The following CASP4 variants were observed in gnomAD, a reference collection of about 807,000 sequenced individuals.
The protein encoded by CASP4 is caspase 4, also known as caspase-4.
In CASP4, 29 loss-of-function variants were observed where a neutral mutation model predicts 41.3. That is an observed-to-expected ratio of 0.70 (90% confidence interval 0.52 to 0.96). The LOEUF (loss-of-function observed/expected upper bound fraction) is 0.96, where lower values mean the gene tolerates loss of function less well. Among genes scored for constraint, CASP4 ranks in the 40% least tolerant of loss-of-function variants. The pLI is 0.00. For synonymous variants in CASP4, 185 were observed against 158.4 expected (o/e 1.17, Z -1.26); for missense variants, 447 against 460.6 (o/e 0.97, Z 0.27).
chr11:104,964,629 A>G (rs1565370368), intron 1 of CASP4, among the ~76,000 whole-genome samples: 1 of 152,236 alleles, frequency 6.6e-6, no homozygotes, highest in Non-Finnish European at 1.5e-5. Flanking sequence ...AAGTTGACTT[A>G]CAGAGCCAAT....
intron 1 of CASP4, among the ~76,000 whole-genome samples, chr11:104,957,947 G>A (rs1860771776): frequency 1.3e-5 from 2 of 152,102 alleles, no homozygotes; most frequent in African/African-American, 4.8e-5. Context: ...AATAGAAACA[G>A]AGAGCAAATG....
intron 1 of CASP4, among the ~76,000 whole-genome samples, chr11:104,963,957 C>T (rs1860917507): frequency 6.6e-6 from 1 of 152,154 alleles, no homozygotes; most frequent in South Asian, 2.1e-4. Context: ...AGCCAGTAGT[C>T]CAGTTAACAA....
chr11:104,953,364 G>T (rs1386942723), intron 2 of CASP4, among the ~76,000 whole-genome samples: 1 of 152,102 alleles, frequency 6.6e-6, no homozygotes, highest in Non-Finnish European at 1.5e-5. Context: ...CTTCAGTTTA[G>T]ACTTGAATGC....
intron 1 of CASP4, among the ~76,000 whole-genome samples, chr11:104,956,100 T>G (rs1860731304): frequency 6.6e-6 from 1 of 152,128 alleles, no homozygotes; most frequent in Non-Finnish European, 1.5e-5. Flanking sequence ...ATATCTCCCA[T>G]GTACTTATTA....
chr11:104,961,717 C>A (rs1167453362), intron 1 of CASP4, among the ~76,000 whole-genome samples: 1 of 152,160 alleles, frequency 6.6e-6, no homozygotes, highest in African/African-American at 2.4e-5. Context: ...GTTTAGGGAT[C>A]ATCTGATTTG....
At chr11:104,947,814 A>G (rs1357107801) in intron 6 of CASP4, 1 of 152,202 alleles carries the variant, frequency 6.6e-6, no homozygotes, top group African/African-American at 2.4e-5. Flanking sequence ...TATACTTCTC[A>G]CACGCAGTCA....
intron 1 of CASP4, among the ~76,000 whole-genome samples, chr11:104,959,814 A>T (rs1049958631): frequency 1.3e-5 from 2 of 152,134 alleles, no homozygotes; most frequent in African/African-American, 4.8e-5. Flanking sequence ...TTCACATTGC[A>T]TCGATTTTAT....
chr11:104,955,797 C>T (rs549000989), intron 1 of CASP4, among the ~76,000 whole-genome samples: 1 of 152,000 alleles, frequency 6.6e-6, no homozygotes, highest in Admixed American at 6.6e-5. Context: ...GATATGATTT[C>T]GGCAGATTGT....
rs1466322649 is a variant in CASP4, at chr11:104,968,527, G to C, written c.-2C>G. On this transcript the variant is annotated 5_prime_UTR_variant, in exon 1 of 9. Coordinates refer to ENST00000444739, the MANE Select transcript of CASP4 (RefSeq NM_001225.4). Reference sequence around the variant, plus strand: ...GTCAGAAAAGGACTCACCTGCCATAGGGAACAGCCTCTGTCCTTTTTTACA... The same window carrying C: ...GTCAGAAAAGGACTCACCTGCCATACGGAACAGCCTCTGTCCTTTTTTACA... 2 of 1,613,086 alleles carry C rather than the reference G, an allele frequency of 1.2e-6. No individual in the cohort carries two copies. Among genetic ancestry groups the C allele is most frequent in the Admixed American group, 1.7e-5 (1 of 60,016 alleles).
chr11:104,951,297 G>T lies in CASP4; in HGVS notation c.373-199C>A, dbSNP rs1465157194. On this transcript the variant is annotated intron_variant, in intron 3 of 8. Transcript: ENST00000444739. ...TGAAATTGTTATTAAGAATCTTGAGGAAACTAGATAATTCCTATGCCTTTT... is the reference window on the plus strand; with the variant it reads ...TGAAATTGTTATTAAGAATCTTGAGTAAACTAGATAATTCCTATGCCTTTT... The T allele has an allele frequency of 6.6e-6, 3 of 455,536 alleles. No homozygotes were observed. The Admixed American group carries it at 1.1e-4, about 17-fold the overall frequency. 28.2% of individuals were successfully genotyped at this position (455,536 alleles called of 1,614,324 possible). A position where few individuals can be genotyped will look rare whatever the true frequency, so the allele number is the denominator to read the frequency against.
At position 104,954,905 on chromosome 11, in the gene CASP4, A is replaced by G. The variant is rs747774766; in HGVS notation, c.104T>C (p.Leu35Pro). The G allele has an allele frequency of 5.0e-6, 8 of 1,613,610 alleles. No individual in the cohort carries two copies. The highest frequency in any genetic ancestry group is 4.4e-5 in the South Asian group (4 of 91,074). Residue 35 changes from leucine (L) to proline (P), a missense_variant, in exon 2 of 9, where the codon CTG (leucine) becomes CCG (proline). Physicochemically the swap from Leu to Pro is moderately conservative, Grantham distance 98. Coordinates refer to ENST00000444739, the MANE Select transcript of CASP4 (RefSeq NM_001225.4). ...VLDNLVEQNV[L>P]NWKEEEKKKY... ...CTTTTTTTCCTCTTCCTTCCAGTTC[A>G]GTACATTTTGTTCCACCAAGTTATC...
chr11:104,950,957 T>C lies in CASP4; in HGVS notation c.514A>G (p.Ser172Gly). The C allele has an allele frequency of 1.2e-6, 2 of 1,613,262 alleles. No individual in the cohort carries two copies. Among genetic ancestry groups the C allele is most frequent in the Non-Finnish European group, 1.7e-6 (2 of 1,179,500 alleles). ...MKELLEGLDY[S>G]VDVEENLTAR... ...GTCAGATTCTCTTCTACATCTACAC[T>C]ATAGTCCAGACCCTCAAGTAGCTCC... The change falls in exon 4 of 9, where the codon AGT becomes GGT. Residue 172 changes from serine to glycine, a missense_variant. By Grantham distance (56) the Ser-to-Gly change is moderately conservative. Transcript: ENST00000444739.
intron 1 of CASP4, chr11:104,956,734 A>T: frequency 1.7e-6 from 1 of 581,580 alleles, no homozygotes. Flanking sequence ...TTGCAACATC[A>T]GGTACAGATG....
chr11:104,967,678 A>G (rs1861005666), intron 1 of CASP4, among the ~76,000 whole-genome samples: 1 of 152,232 alleles, frequency 6.6e-6, no homozygotes, highest in Admixed American at 6.5e-5. Context: ...GGTATTTAAG[A>G]TTGAGCTATT....
At chr11:104,953,208 AG>A (rs1287664783) in intron 2 of CASP4, among the ~76,000 whole-genome samples, 1 of 152,152 alleles carries the variant, frequency 6.6e-6, no homozygotes, top group East Asian at 1.9e-4. Context: ...GATACACTCT[AG>A]GTACACTGGC....
intron 2 of CASP4, among the ~76,000 whole-genome samples, chr11:104,952,743 T>G (rs570990298): frequency 6.6e-6 from 1 of 152,328 alleles, no homozygotes; most frequent in East Asian, 1.9e-4. Flanking sequence ...GAAATGAACT[T>G]CAATTATCCC....
At chr11:104,950,848 G>T in intron 4 of CASP4, 77 bp downstream of exon 4, 1 of 1,320,318 alleles carries the variant, frequency 7.6e-7, no homozygotes, top group Non-Finnish European at 1.1e-6. Context: ...ACCTTGTTGA[G>T]CTCTTTGAAG....
intron 1 of CASP4, among the ~76,000 whole-genome samples, chr11:104,958,690 G>A (rs1860791082): frequency 6.6e-6 from 1 of 152,134 alleles, no homozygotes; most frequent in South Asian, 2.1e-4. Context: ...GCCCTGCGCA[G>A]TGGCTCACGA....
At chr11:104,965,343 G>A (rs926275206) in intron 1 of CASP4, among the ~76,000 whole-genome samples, 8 of 152,146 alleles carry the variant, frequency 5.3e-5, no homozygotes, top group Non-Finnish European at 1.0e-4. Flanking sequence ...GTTGCAAAGT[G>A]GTTACATTCT....
Sources: allele counts gnomAD v4.1 joint callset (sites outside exome capture counted in the v4.1 genomes callset), GRCh38; gene constraint gnomAD v4.1.1; transcripts MANE v1.5; gene names NCBI Gene and HGNC (gene_info 2026-07-23, HGNC 2026-07-21).